The following TRPM7 variants were observed in gnomAD, a reference collection of about 807,000 sequenced individuals.
The protein encoded by TRPM7 is LTRPC ion channel family member 7.
TRPM7 carries 134 observed loss-of-function variants against 229.7 expected under a neutral mutation model. The observed-to-expected ratio is 0.58, with a 90% CI of 0.51 to 0.67. TRPM7 has a LOEUF of 0.67. TRPM7 is among the 30% of genes least tolerant of loss of function. The probability of loss-of-function intolerance (pLI) is 0.00; values close to 1 mark genes in which losing one functional copy is unlikely to be tolerated. For synonymous variants in TRPM7, 699 were observed against 715.2 expected, an observed-to-expected ratio of 0.98 and a Z score of 0.36; for missense variants, 1,901 against 2,210.0, an observed-to-expected ratio of 0.86 and a Z score of 2.80.
intron 1 of TRPM7, among the ~76,000 whole-genome samples, chr15:50,675,862 T>A (rs1457424129): frequency 1.3e-5 from 2 of 152,188 alleles, no homozygotes; most frequent in African/African-American, 4.8e-5. Context: ...CTTCAGTGGT[T>A]AAATAGTACA....
At chr15:50,635,882 G>A (rs1030969503) in intron 7 of TRPM7, among the ~76,000 whole-genome samples, 1 of 151,852 alleles carries the variant, frequency 6.6e-6, no homozygotes, top group African/African-American at 2.4e-5. Context: ...GGGAGGCTGA[G>A]GGATGAGAAT....
At chr15:50,610,875 A>C (rs2060046790) in intron 17 of TRPM7, among the ~76,000 whole-genome samples, 1 of 152,074 alleles carries the variant, frequency 6.6e-6, no homozygotes, top group Non-Finnish European at 1.5e-5. Flanking sequence ...GAGAGGCCAT[A>C]ATCATTATAG....
At chr15:50,598,949 A>G (rs747577585) in intron 22 of TRPM7, among the ~76,000 whole-genome samples, 173 bp downstream of exon 22, 23 of 152,212 alleles carry the variant, frequency 1.5e-4, no homozygotes, top group South Asian at 4.1e-4. Context: ...ATTCTAAAAT[A>G]TTTTTTCTTC....
chr15:50,631,657 ATAGT>A (rs1471978001), intron 9 of TRPM7, among the ~76,000 whole-genome samples, 168 bp from the exon 10 acceptor site: 2 of 152,140 alleles, frequency 1.3e-5, no homozygotes, highest in Non-Finnish European at 2.9e-5. Flanking sequence ...ATTTATGTAT[ATAGT>A]TAGTAACTTT....
chr15:50,574,732 GGGT>G lies in TRPM7; in HGVS notation c.5020-16_5020-14del, dbSNP rs1396510042. 2 of 1,608,792 alleles carry G rather than the reference GGGT, an allele frequency of 1.2e-6. No individual in the cohort carries two copies. Among genetic ancestry groups the G allele is most frequent in the Non-Finnish European group, 1.7e-6 (2 of 1,177,810 alleles). On this transcript the variant is annotated splice_polypyrimidine_tract_variant and intron_variant, in intron 34 of 38. Coordinates refer to ENST00000646667, the MANE Select transcript of TRPM7 (RefSeq NM_017672.6). ...GTTGTTGAATTTCCTATAAAAGGGA[GGGT>G]GGGGAGAACCCTTGTTTAATATTTA...
chr15:50,637,798 T>C (rs954332384), intron 6 of TRPM7, among the ~76,000 whole-genome samples: 6 of 152,214 alleles, frequency 3.9e-5, no homozygotes, highest in African/African-American at 1.4e-4. Flanking sequence ...AAACACATGA[T>C]TATATCTTGA....
At chr15:50,599,023 T>C (rs959252175) in intron 22 of TRPM7, 99 bp downstream of exon 22, 1 of 886,734 alleles carries the variant, frequency 1.1e-6, no homozygotes, top group Non-Finnish European at 1.7e-6. Flanking sequence ...AGGTTGGTAA[T>C]AGTTTGACTT....
chr15:50,580,936 CAA>C, intron 29 of TRPM7, 28 bp from the exon 30 acceptor site: 1 of 1,563,274 alleles, frequency 6.4e-7, no homozygotes, highest in South Asian at 1.2e-5. Flanking sequence ...CACACACACA[CAA>C]AAACCTTAAA....
chr15:50,634,695 A>C, intron 7 of TRPM7, 139 bp from the exon 8 acceptor site: 1 of 611,910 alleles, frequency 1.6e-6, no homozygotes, highest in Non-Finnish European at 2.5e-6. Flanking sequence ...CATAATTTCT[A>C]AGACTATGTT....
At chr15:50,632,784 A>G (rs1412580104) in intron 9 of TRPM7, 85 bp downstream of exon 9, 7 of 1,277,990 alleles carry the variant, frequency 5.5e-6, no homozygotes, top group South Asian at 5.4e-5. Flanking sequence ...AATAAAAACA[A>G]AAGTATTTCA....
At position 50,574,653 on chromosome 15, in the gene TRPM7, T is replaced by G; in HGVS notation, c.5086A>C (p.Ile1696Leu). The G allele has an allele frequency of 1.2e-6, 2 of 1,613,394 alleles. No individual in the cohort carries two copies. The highest frequency in any genetic ancestry group is 1.7e-6 in the Non-Finnish European group (2 of 1,179,734). ...AAGATTTACCTTGGAGAATATGGTA[T>G]GGATTTGGGTTTCATTTGATTAAAG... ...FAFNQMKPKS[I>L]PYSPRFLEVF... The change falls in exon 35 of 39, where the codon ATA becomes CTA. Residue 1696 changes from isoleucine to leucine, a missense_variant. Ile to Leu is a conservative substitution (Grantham distance 5). This residue lies in a region of TRPM7 where 257 missense variants were observed against 352.0 expected (regional missense o/e 0.73). Transcript: ENST00000646667.
At chr15:50,646,985 T>C (rs1288945828) in intron 4 of TRPM7, among the ~76,000 whole-genome samples, 1 of 152,222 alleles carries the variant, frequency 6.6e-6, no homozygotes, top group Non-Finnish European at 1.5e-5. Context: ...TAGTAGGCTA[T>C]ACCATCTAGG....
At chr15:50,612,507 T>C (rs2060089224) in intron 16 of TRPM7, 42 bp downstream of exon 16, 1 of 1,578,418 alleles carries the variant, frequency 6.3e-7, no homozygotes, top group African/African-American at 1.4e-5. Flanking sequence ...AATACCTACT[T>C]TGAATTTTTA....
rs762813458 is a variant in TRPM7 at position 50,614,170 on chromosome 15, T to G, written c.1588A>C (p.Arg530=). Residue 530 remains arginine, a synonymous_variant, in exon 14 of 39, where the codon AGG becomes CGG. Coordinates refer to ENST00000646667, the MANE Select transcript of TRPM7 (RefSeq NM_017672.6). ...TTATATATTAATCGAAAACGTTTCCTAGTATAGGTGCATCTGTAGGTTCCT... is the reference window on the plus strand; with the variant it reads ...TTATATATTAATCGAAAACGTTTCCGAGTATAGGTGCATCTGTAGGTTCCT... ...MGGTYRCTYT[R]KRFRLIYNSL... is the part of the protein sequence containing the mutation. 3 of 1,612,546 alleles carry G rather than the reference T, an allele frequency of 1.9e-6. No individual in the cohort carries two copies. The highest frequency in any genetic ancestry group is 2.5e-6 in the Non-Finnish European group (3 of 1,179,338).
At chr15:50,668,318 T>G (rs28890175) in intron 1 of TRPM7, among the ~76,000 whole-genome samples, 3,315 of 151,868 alleles carry the variant, frequency 0.022, 120 homozygotes, top group African/African-American at 0.077. Context: ...TTTTTTACTT[T>G]TTTGCTTAAA....
At chr15:50,652,061 G>C (rs976919770) in intron 3 of TRPM7, among the ~76,000 whole-genome samples, 1 of 151,622 alleles carries the variant, frequency 6.6e-6, no homozygotes, top group African/African-American at 2.4e-5. Flanking sequence ...GGCCGGGTGC[G>C]GTGGCTCATG....
chr15:50,624,084 A>G, intron 12 of TRPM7, 82 bp downstream of exon 12: 1 of 1,378,466 alleles, frequency 7.3e-7, no homozygotes, highest in Non-Finnish European at 9.8e-7. Flanking sequence ...GGGTTTTATC[A>G]ATAGGAATGG....
In TRPM7 at chr15:50,572,328, G is replaced by A. The variant is rs1038536670; in HGVS notation, c.5308+1946C>T. Among the ~76,000 whole-genome samples the A allele has an allele frequency of 2.6e-5, 4 of 152,210 alleles. No homozygotes were observed. The South Asian group carries it at 6.2e-4, about 24-fold the overall frequency. ...AGAAAAAGAAATTGCTGCAGTCATC[G>A]CAAACTTCAGCAACTATCAGTTAGC... On this transcript the variant is annotated intron_variant, in intron 36 of 38. Coordinates refer to ENST00000646667, the MANE Select transcript of TRPM7 (RefSeq NM_017672.6).
chr15:50,562,592 A>C (rs1205130394), intron 38 of TRPM7, among the ~76,000 whole-genome samples: 1 of 152,012 alleles, frequency 6.6e-6, no homozygotes, highest in Non-Finnish European at 1.5e-5. Flanking sequence ...CAACATGGTG[A>C]AGTCTCTTGT....
Sources: allele counts gnomAD v4.1 joint callset (sites outside exome capture counted in the v4.1 genomes callset), GRCh38; gene constraint gnomAD v4.1.1; regional missense constraint gnomAD v4.1.1; transcripts MANE v1.5; gene names NCBI Gene and HGNC (gene_info 2026-07-23, HGNC 2026-07-21).